ZPBP: variants seen among roughly 807,000 people sequenced by gnomAD.
The protein encoded by ZPBP is zona pellucida-binding protein 1.
In ZPBP, 26 loss-of-function variants were observed where a neutral mutation model predicts 44.8. That is an observed-to-expected ratio of 0.58 (90% confidence interval 0.43 to 0.81). ZPBP has a LOEUF of 0.81. Among genes scored for constraint, ZPBP ranks in the 30% least tolerant of loss-of-function variants. The probability of loss-of-function intolerance (pLI) is 0.00; values close to 1 mark genes in which losing one functional copy is unlikely to be tolerated. For missense variants in ZPBP, 409 were observed against 434.0 expected, an observed-to-expected ratio of 0.94 and a Z score of 0.51; for synonymous variants, 174 against 153.2, an observed-to-expected ratio of 1.14 and a Z score of -1.00.
At chr7:50,089,434 T>G (rs1187377863) in intron 2 of ZPBP, among the ~76,000 whole-genome samples, 195 bp downstream of exon 2, 1 of 152,082 alleles carries the variant, frequency 6.6e-6, no homozygotes, top group Non-Finnish European at 1.5e-5. Context: ...TTTGTATACT[T>G]ATGTAGTTAT....
chr7:49,851,005 C>T (rs910027211), intron 2 of ZPBP, among the ~76,000 whole-genome samples: 4 of 152,180 alleles, frequency 2.6e-5, no homozygotes, highest in African/African-American at 9.7e-5. Context: ...TCAGTTTACT[C>T]GTCCGCAATT....
intron 3 of ZPBP, among the ~76,000 whole-genome samples, chr7:50,064,145 G>A (rs1801388064): frequency 1.3e-5 from 2 of 152,152 alleles, no homozygotes; most frequent in Admixed American, 1.3e-4. Context: ...GCATCCGGGG[G>A]AGACATCACA....
intron 2 of ZPBP, among the ~76,000 whole-genome samples, chr7:49,862,017 G>T (rs189899825): frequency 6.6e-6 from 1 of 152,136 alleles, no homozygotes; most frequent in South Asian, 2.1e-4. Flanking sequence ...CATAAAAAAT[G>T]GTTGTTGGAA....
At chr7:49,875,504 C>G (rs1486445153) in intron 2 of ZPBP, among the ~76,000 whole-genome samples, 1 of 149,534 alleles carries the variant, frequency 6.7e-6, no homozygotes, top group Non-Finnish European at 1.5e-5. Context: ...GCTGGGGAAG[C>G]TGGAGGAGAG....
chr7:49,876,574 C>A (rs1222543649), intron 2 of ZPBP, among the ~76,000 whole-genome samples: 2 of 152,084 alleles, frequency 1.3e-5, no homozygotes, highest in Non-Finnish European at 2.9e-5. Flanking sequence ...CAATTAAATA[C>A]CTACTTGGAG....
chr7:50,089,937 T>G (rs181346664), intron 1 of ZPBP, among the ~76,000 whole-genome samples: 142 of 152,252 alleles, frequency 9.3e-4, no homozygotes, highest in Non-Finnish European at 1.6e-3. Flanking sequence ...TAAAGCCATT[T>G]AGAATAATCT....
chr7:50,018,102 G>T, intron 6 of ZPBP, 138 bp downstream of exon 6: 1 of 648,218 alleles, frequency 1.5e-6, no homozygotes, highest in Non-Finnish European at 2.7e-6. Context: ...TTTATTAGTG[G>T]GTAAAGTTTT....
At chr7:49,966,191 CT>C (rs1796051944) in intron 7 of ZPBP, among the ~76,000 whole-genome samples, 1 of 151,978 alleles carries the variant, frequency 6.6e-6, no homozygotes, top group African/African-American at 2.4e-5. Context: ...ATAAATACCC[CT>C]CTTTAAATAA....
Position 50,058,257 on chromosome 7 carries a change from G to C in ZPBP, c.335-116C>G, listed in dbSNP as rs1045122994. The stretch of plus-strand genomic sequence containing the variant: ...ACCAACACAGTCAATGAAAGGAGTG[G>C]GGGGCATAGCTAGGACATTACATCT... On this transcript the variant is annotated intron_variant, in intron 3 of 7. Coordinates refer to ENST00000046087, the MANE Select transcript of ZPBP (RefSeq NM_007009.3). The C allele has an allele frequency of 8.2e-6, 9 of 1,091,200 alleles. No individual in the cohort carries two copies. In the African/African-American group the frequency reaches 1.2e-4, roughly 15 times the overall value. 67.6% of individuals were successfully genotyped at this position (1,091,200 alleles called of 1,614,324 possible).
downstream of ZPBP, among the ~76,000 whole-genome samples, chr7:49,849,675 T>C (rs1790096844): frequency 2.0e-5 from 3 of 152,242 alleles, no homozygotes. Flanking sequence ...TTTCACCATT[T>C]GGTAGTGCCC....
intron 4 of ZPBP, among the ~76,000 whole-genome samples, chr7:50,035,732 AGAG>A (rs1799799342): frequency 6.6e-6 from 1 of 152,072 alleles, no homozygotes; most frequent in Admixed American, 6.6e-5. Flanking sequence ...ATAGATTAAA[AGAG>A]CAATAAAACC....
intron 2 of ZPBP, among the ~76,000 whole-genome samples, chr7:49,897,565 A>G (rs1288655655): frequency 1.3e-5 from 2 of 152,178 alleles, no homozygotes; most frequent in African/African-American, 4.8e-5. Context: ...AAAACAGGTA[A>G]AACTCTGAAC....
chr7:49,964,798 C>G (rs1356457100), intron 7 of ZPBP, among the ~76,000 whole-genome samples: 1 of 152,092 alleles, frequency 6.6e-6, no homozygotes, highest in Non-Finnish European at 1.5e-5. Context: ...GCAGTGGGGT[C>G]TGAGTTACCT....
At chr7:50,085,035 T>C (rs1802565874) in intron 2 of ZPBP, among the ~76,000 whole-genome samples, 1 of 152,100 alleles carries the variant, frequency 6.6e-6, no homozygotes. Context: ...TCTCCAGTAC[T>C]TCAGGATATA....
rs527909643 is a variant in ZPBP at position 50,066,261 on chromosome 7, CT to C, written c.335-8121del. ...TTGGTTTGAGCTATAAGCTCTCTTTCTTTTTTTTTTTTCTCTGATTTAATAT... is the reference window on the plus strand; with the variant it reads ...TTGGTTTGAGCTATAAGCTCTCTTTCTTTTTTTTTTTCTCTGATTTAATAT... On this transcript the variant is annotated intron_variant, in intron 3 of 7. Coordinates refer to ENST00000046087, the MANE Select transcript of ZPBP (RefSeq NM_007009.3). Among the ~76,000 whole-genome samples the C allele has an allele frequency of 5.5e-4, 78 of 142,308 alleles. 1 individual carries two copies. Among genetic ancestry groups the C allele is most frequent in the Middle Eastern group, 3.7e-3 (1 of 268 alleles). The allele number at this position is 142,308 out of a possible 152,430, so 93.4% of individuals were successfully genotyped here. A position where few individuals can be genotyped will look rare whatever the true frequency, so the allele number is the denominator to read the frequency against.
chr7:49,983,993 C>G (rs6971306), intron 6 of ZPBP, among the ~76,000 whole-genome samples: 10 of 152,060 alleles, frequency 6.6e-5, no homozygotes, highest in African/African-American at 2.2e-4. Flanking sequence ...AAAAATAAAG[C>G]ATCATTCTGA....
At chr7:49,870,374 T>C (rs1380929607) in intron 2 of ZPBP, among the ~76,000 whole-genome samples, 1 of 152,196 alleles carries the variant, frequency 6.6e-6, no homozygotes, top group Non-Finnish European at 1.5e-5. Flanking sequence ...CACTCCACCC[T>C]GGGTGACGCA....
At chr7:49,917,764 TTTAATGA>T (rs1162931497) in intron 1 of ZPBP, 1 of 152,172 alleles carries the variant, frequency 6.6e-6, no homozygotes, top group African/African-American at 2.4e-5. Context: ...CATTATTTTA[TTTAATGA>T]TTAATATTTT....
intron 6 of ZPBP, among the ~76,000 whole-genome samples, chr7:50,001,130 A>G (rs894883914): frequency 3.3e-5 from 5 of 152,174 alleles, no homozygotes; most frequent in African/African-American, 9.6e-5. Flanking sequence ...CTATAAATTT[A>G]TACTGTTTAA....
Sources: allele counts gnomAD v4.1 joint callset (sites outside exome capture counted in the v4.1 genomes callset), GRCh38; gene constraint gnomAD v4.1.1; transcripts MANE v1.5; gene names NCBI Gene and HGNC (gene_info 2026-07-23, HGNC 2026-07-21).